The following ECPAS variants were observed in gnomAD, a reference collection of about 807,000 sequenced individuals.
ECPAS encodes Ecm29 proteasome adaptor and scaffold.
ECPAS carries 70 observed loss-of-function variants against 255.1 expected under a neutral mutation model. The observed-to-expected ratio is 0.27, with a 90% CI of 0.23 to 0.33. ECPAS has a LOEUF of 0.33. ECPAS is among the 10% of genes least tolerant of loss of function. The pLI is 1.00. For missense variants in ECPAS, 1,817 were observed against 2,206.4 expected (o/e 0.82, Z 3.54); for synonymous variants, 784 against 775.0 (o/e 1.01, Z -0.19).
At chr9:111,362,721 T>TA (rs2098115271) in intron 49 of ECPAS, among the ~76,000 whole-genome samples, 1 of 152,184 alleles carries the variant, frequency 6.6e-6, no homozygotes, top group Admixed American at 6.5e-5. Flanking sequence ...TGTCACTTCC[T>TA]AGCAATGTGG....
chr9:111,367,553 T>C (rs2098121925), intron 46 of ECPAS, among the ~76,000 whole-genome samples: 1 of 152,186 alleles, frequency 6.6e-6, no homozygotes. Flanking sequence ...TGGCATCATA[T>C]TAGTGGACTT....
intron 27 of ECPAS, among the ~76,000 whole-genome samples, chr9:111,393,257 A>G (rs1032281770): frequency 6.6e-6 from 1 of 152,230 alleles, no homozygotes; most frequent in African/African-American, 2.4e-5. Context: ...AAGTCAATGC[A>G]AGACCATATG....
intron 31 of ECPAS, among the ~76,000 whole-genome samples, chr9:111,387,039 A>G (rs1018491027): frequency 1.3e-5 from 2 of 152,268 alleles, no homozygotes; most frequent in Non-Finnish European, 2.9e-5. Context: ...GCAGTTACTG[A>G]AGGACAGAGT....
intron 20 of ECPAS, among the ~76,000 whole-genome samples, chr9:111,413,508 A>G (rs2098198145): frequency 6.6e-6 from 1 of 152,338 alleles, no homozygotes; most frequent in South Asian, 2.1e-4. Context: ...GGTCACTTAT[A>G]TATGTTTGTC....
chr9:111,467,140 C>T (rs1320585442), intron 2 of ECPAS, among the ~76,000 whole-genome samples: 4 of 151,774 alleles, frequency 2.6e-5, no homozygotes, highest in African/African-American at 9.7e-5. Flanking sequence ...AACAATAAAC[C>T]TACAATTACT....
At chr9:111,368,391 A>G (rs2098123269) in intron 46 of ECPAS, among the ~76,000 whole-genome samples, 1 of 152,196 alleles carries the variant, frequency 6.6e-6, no homozygotes, top group Non-Finnish European at 1.5e-5. Context: ...CCTGCTAATA[A>G]ACTTTGTGCA....
chr9:111,379,114 C>T (rs1284552482), intron 35 of ECPAS, among the ~76,000 whole-genome samples: 1 of 152,168 alleles, frequency 6.6e-6, no homozygotes, highest in African/African-American at 2.4e-5. Context: ...ATTTATACCT[C>T]CTCCATACAT....
At chr9:111,482,556 A>C (rs1056347766) in intron 1 of ECPAS, among the ~76,000 whole-genome samples, 1 of 152,218 alleles carries the variant, frequency 6.6e-6, no homozygotes, top group Admixed American at 6.5e-5. Flanking sequence ...TAAAGCTTGC[A>C]ACACCTCACC....
At chr9:111,398,853 C>T (rs986242281) in intron 24 of ECPAS, among the ~76,000 whole-genome samples, 7 of 152,056 alleles carry the variant, frequency 4.6e-5, no homozygotes, top group African/African-American at 7.3e-5. Flanking sequence ...AGGAGAATCG[C>T]TTGAACTCAG....
At chr9:111,442,576 A>G (rs1169668200) in intron 4 of ECPAS, among the ~76,000 whole-genome samples, 152 bp from the exon 5 acceptor site, 1 of 152,230 alleles carries the variant, frequency 6.6e-6, no homozygotes, top group East Asian at 1.9e-4. Context: ...ACCTTTACCA[A>G]CTACTGTATC....
At chr9:111,375,948 G>A (rs765423871) in intron 37 of ECPAS, among the ~76,000 whole-genome samples, 5 of 152,116 alleles carry the variant, frequency 3.3e-5, no homozygotes, top group Non-Finnish European at 7.4e-5. Flanking sequence ...AACCATTACA[G>A]GGAATGCACA....
intron 1 of ECPAS, chr9:111,483,633 C>A: frequency 4.3e-6 from 1 of 235,058 alleles, no homozygotes; most frequent in South Asian, 1.5e-4. Context: ...GGCCGCGAGC[C>A]GCCTCCGTTC....
At chr9:111,483,969 G>A (rs1490599371) in intron 1 of ECPAS, 147 bp downstream of exon 1, 9 of 988,404 alleles carry the variant, frequency 9.1e-6, no homozygotes, top group Admixed American at 6.2e-5. Flanking sequence ...GCTCGCTCGC[G>A]GCTCGTCCTG....
chr9:111,442,861 A>G (rs985157434), intron 4 of ECPAS, among the ~76,000 whole-genome samples: 1 of 152,210 alleles, frequency 6.6e-6, no homozygotes, highest in African/African-American at 2.4e-5. Flanking sequence ...AACTTAGTAT[A>G]CTGCAGCACT....
intron 3 of ECPAS, among the ~76,000 whole-genome samples, chr9:111,445,393 C>T (rs1247586228): frequency 1.3e-5 from 2 of 151,868 alleles, no homozygotes; most frequent in East Asian, 3.9e-4. Flanking sequence ...TATTGCAACA[C>T]ACCATGAATA....
intron 39 of ECPAS, 54 bp downstream of exon 39, chr9:111,373,918 C>G (rs1433658352): frequency 7.4e-7 from 1 of 1,358,048 alleles, no homozygotes; most frequent in Non-Finnish European, 1.1e-6. Flanking sequence ...AAAACTCTGT[C>G]ACACAAGACA....
Position 111,376,543 on chromosome 9 carries a change from TA to T in ECPAS, c.3955-3del. The T allele has an allele frequency of 2.5e-6, 4 of 1,592,122 alleles. No homozygotes were observed. The highest frequency in any genetic ancestry group is 3.4e-6 in the Non-Finnish European group (4 of 1,168,586). On this transcript the variant is annotated splice_region_variant and splice_polypyrimidine_tract_variant and intron_variant, in intron 36 of 49. Transcript: ENST00000684092. ...AAGCCGAGCACTATCCATCGCAGCC[TA>T]AAGAAGAGAAATTAAAGTCACCCGG...
At chr9:111,480,322 G>C (rs1221120509) in intron 1 of ECPAS, among the ~76,000 whole-genome samples, 1 of 112,716 alleles carries the variant, frequency 8.9e-6, no homozygotes, top group African/African-American at 3.6e-5. Flanking sequence ...TTTTGAGACA[G>C]AGTCTAGCTC....
At chr9:111,480,078 A>G (rs2098302255) in intron 1 of ECPAS, among the ~76,000 whole-genome samples, 1 of 151,918 alleles carries the variant, frequency 6.6e-6, no homozygotes. Flanking sequence ...AAGTTATTTG[A>G]CTATCAATGA....
Sources: allele counts gnomAD v4.1 joint callset (sites outside exome capture counted in the v4.1 genomes callset), GRCh38; gene constraint gnomAD v4.1.1; transcripts MANE v1.5; gene names NCBI Gene and HGNC (gene_info 2026-07-23, HGNC 2026-07-21).